SOS2: variants seen among roughly 807,000 people sequenced by gnomAD.
SOS2 encodes SOS Ras/Rho guanine nucleotide exchange factor 2, also known as son of sevenless homolog 2.
SOS2 carries 65 observed loss-of-function variants against 148.2 expected under a neutral mutation model. The observed-to-expected ratio is 0.44, with a 90% confidence interval of 0.36 to 0.54. The LOEUF (loss-of-function observed/expected upper bound fraction) is 0.54, where lower values mean the gene tolerates loss of function less well. SOS2 is among the 20% of genes least tolerant of loss of function. The pLI is 0.00. For synonymous variants in SOS2, 539 were observed against 537.1 expected, an observed-to-expected ratio of 1.00 and a Z score of -0.05; for missense variants, 1,341 against 1,590.2, an observed-to-expected ratio of 0.84 and a Z score of 2.67.
chr14:50,200,488 A>T (rs1185877213), intron 3 of SOS2, among the ~76,000 whole-genome samples: 1 of 152,140 alleles, frequency 6.6e-6, no homozygotes, highest in African/African-American at 2.4e-5. Context: ...TCAACAAATG[A>T]CTGAGAATCA....
At chr14:50,125,638 C>A (rs1014844637) in intron 21 of SOS2, among the ~76,000 whole-genome samples, 11 of 152,024 alleles carry the variant, frequency 7.2e-5, no homozygotes, top group African/African-American at 2.4e-4. Context: ...CAAGCAGCAG[C>A]AAATCTGCCC....
chr14:50,198,416 C>T (rs1374687648), intron 4 of SOS2, among the ~76,000 whole-genome samples: 3 of 151,598 alleles, frequency 2.0e-5, no homozygotes, highest in African/African-American at 7.3e-5. Flanking sequence ...GAATTGCTAC[C>T]ATGATGTAAG....
At chr14:50,210,445 T>A (rs1286445539) in intron 1 of SOS2, among the ~76,000 whole-genome samples, 1 of 152,186 alleles carries the variant, frequency 6.6e-6, no homozygotes, top group Non-Finnish European at 1.5e-5. Context: ...TCTGACAGTG[T>A]AAAACTAGAT....
In SOS2 at chr14:50,204,247, G is replaced by C. The variant is rs1075537; in HGVS notation, c.213+37C>G. The C allele has an allele frequency of 0.89, 1,261,138 of 1,418,326 alleles. 561,864 individuals carry two copies. Among genetic ancestry groups the C allele is most frequent in the Admixed American group, 0.92 (41,873 of 45,408 alleles). 87.9% of individuals were successfully genotyped at this position (1,418,326 alleles called of 1,614,324 possible). On this transcript the variant is annotated intron_variant, in intron 2 of 22. Coordinates refer to ENST00000216373, the MANE Select transcript of SOS2 (RefSeq NM_006939.4). ...GATACAAAAATTAATTCATACAGTG[G>C]TTGAGTGACTTTTTGAAATGACAAA...
At position 50,209,321 on chromosome 14, in the gene SOS2, G is replaced by GTGTGTGTGTGTGTC. The variant is rs1179515891; in HGVS notation, c.88-4913_88-4912insGACACACACACACA. Among the ~76,000 whole-genome samples, 385 of 141,824 alleles carry GTGTGTGTGTGTGTC rather than the reference G, an allele frequency of 2.7e-3. 3 individuals carry two copies. The highest frequency in any genetic ancestry group is 4.3e-3 in the Non-Finnish European group (281 of 65,654). 93.0% of individuals were successfully genotyped at this position (141,824 alleles called of 152,430 possible). A position where few individuals can be genotyped will look rare whatever the true frequency, so the allele number is the denominator to read the frequency against. ...TGTGTGTGTGTGTGTGTGTGTGTGT[G>GTGTGTGTGTGTGTC]TCTCCTATTGGTTCTGCTTCTCTGA... On this transcript the variant is annotated intron_variant, in intron 1 of 22. Coordinates refer to ENST00000216373, the MANE Select transcript of SOS2 (RefSeq NM_006939.4).
intron 4 of SOS2, among the ~76,000 whole-genome samples, chr14:50,193,161 G>C (rs1473741489): frequency 6.6e-6 from 1 of 151,956 alleles, no homozygotes; most frequent in Non-Finnish European, 1.5e-5. Context: ...TAGAGATGAG[G>C]TCTTGCTATA....
intron 16 of SOS2, among the ~76,000 whole-genome samples, chr14:50,142,380 A>G (rs1354743776): frequency 2.0e-5 from 3 of 152,138 alleles, no homozygotes; most frequent in African/African-American, 7.2e-5. Flanking sequence ...AAATGCAAAC[A>G]CCCAAACAGA....
intron 12 of SOS2, chr14:50,156,326 C>T (rs1175280663): frequency 1.3e-5 from 2 of 152,074 alleles, no homozygotes; most frequent in African/African-American, 4.8e-5. Flanking sequence ...CTGCCACTCC[C>T]TTTACATAAC....
chr14:50,165,808 G>A (rs1055305369), intron 8 of SOS2, among the ~76,000 whole-genome samples: 1 of 152,058 alleles, frequency 6.6e-6, no homozygotes, highest in African/African-American at 2.4e-5. Flanking sequence ...GCTCTTTTAT[G>A]CATTAGCTTA....
At chr14:50,127,025 C>T (rs1270040228) in intron 21 of SOS2, among the ~76,000 whole-genome samples, 1 of 152,044 alleles carries the variant, frequency 6.6e-6, no homozygotes. Context: ...TGCTGCTTCC[C>T]AGTACACCTT....
intron 21 of SOS2, 84 bp from the exon 22 acceptor site, chr14:50,120,468 T>G (rs1594952596): frequency 1.4e-6 from 1 of 704,944 alleles, no homozygotes; most frequent in East Asian, 2.7e-5. Flanking sequence ...ACTTCTACCA[T>G]GGCATTTGTC....
chr14:50,222,632 G>C (rs1181851661), intron 1 of SOS2, among the ~76,000 whole-genome samples: 1 of 152,186 alleles, frequency 6.6e-6, no homozygotes, highest in Non-Finnish European at 1.5e-5. Context: ...GTTTCAGGTA[G>C]AAAATTCAGC....
chr14:50,141,573 T>A (rs939313028), intron 16 of SOS2, among the ~76,000 whole-genome samples: 2 of 152,094 alleles, frequency 1.3e-5, no homozygotes, highest in Non-Finnish European at 2.9e-5. Flanking sequence ...AAAAGAGGTA[T>A]GCGATCTCTG....
At chr14:50,170,724 A>G (rs76957793) in intron 8 of SOS2, among the ~76,000 whole-genome samples, 1,645 of 152,164 alleles carry the variant, frequency 0.011, 28 homozygotes, top group African/African-American at 0.036. Context: ...AAGTATATAA[A>G]AGATACTCAA....
At chr14:50,156,957 A>ATG (rs1250638248) in intron 12 of SOS2, 42 bp downstream of exon 12, 3 of 1,014,442 alleles carry the variant, frequency 3.0e-6, no homozygotes, top group Admixed American at 4.1e-5. Flanking sequence ...GTGTGTATAT[A>ATG]TATGTGTATA....
In SOS2 at chr14:50,118,264, T is replaced by C; in HGVS notation, c.*80A>G. ...GCATTATTTGTAAAAAGTACTAAAA[T>C]ACTATGTCTTTTTTTGAATAAATTA... is the stretch of plus-strand genomic sequence containing the variant. On this transcript the variant is annotated 3_prime_UTR_variant, in exon 23 of 23. Coordinates refer to ENST00000216373, the MANE Select transcript of SOS2 (RefSeq NM_006939.4). The C allele has an allele frequency of 8.5e-7, 1 of 1,183,084 alleles. No individual in the cohort carries two copies. The highest frequency in any genetic ancestry group is 1.2e-6 in the Non-Finnish European group (1 of 838,172). The allele number at this position is 1,183,084 out of a possible 1,614,324, so 73.3% of individuals were successfully genotyped here. A position where few individuals can be genotyped will look rare whatever the true frequency, so the allele number is the denominator to read the frequency against.
At chr14:50,168,425 T>C (rs925922165) in intron 8 of SOS2, among the ~76,000 whole-genome samples, 10 of 152,204 alleles carry the variant, frequency 6.6e-5, no homozygotes, top group African/African-American at 1.9e-4. Flanking sequence ...TCTCACTATA[T>C]TGCCCAGGCT....
chr14:50,181,630 T>C (rs1885742466), intron 6 of SOS2, among the ~76,000 whole-genome samples: 1 of 152,086 alleles, frequency 6.6e-6, no homozygotes, highest in Non-Finnish European at 1.5e-5. Flanking sequence ...TTGAAGTATA[T>C]ACATTAACAT....
Position 50,140,062 on chromosome 14 carries a change from TA to T in SOS2, c.2668-4del, listed in dbSNP as rs2139556831. The stretch of plus-strand genomic sequence containing the variant: ...TTCCTTTTCCTTTCCTGCAGTGCCT[TA>T]AAGTATACATAAATTGAGTATAAAT... On this transcript the variant is annotated splice_polypyrimidine_tract_variant and splice_region_variant and intron_variant, in intron 16 of 22. Transcript: ENST00000216373. 2 of 1,326,624 alleles carry T rather than the reference TA, an allele frequency of 1.5e-6. No homozygotes were observed. The highest frequency in any genetic ancestry group is 1.2e-5 in the South Asian group (1 of 82,110). 82.2% of individuals were successfully genotyped at this position (1,326,624 alleles called of 1,614,324 possible).
Sources: gnomAD v4.1 joint callset for allele counts (sites outside exome capture counted in the v4.1 genomes callset) on GRCh38, gnomAD v4.1.1 for gene constraint, MANE v1.5 for transcripts, NCBI Gene and HGNC (gene_info 2026-07-23, HGNC 2026-07-21) for gene names.